MYO6: variants seen among roughly 807,000 people sequenced by gnomAD.
MYO6 encodes myosin VI.
Under a neutral mutation model 178.7 loss-of-function variants are expected in MYO6, and 74 were observed. The ratio of observed to expected loss-of-function variants is 0.41; its 90% CI spans 0.34 to 0.50. MYO6 has a LOEUF of 0.50. MYO6 is among the 20% of genes least tolerant of loss of function. The pLI, the probability that MYO6 is intolerant of heterozygous loss-of-function variation, is 0.09. For missense variants in MYO6, 1,330 were observed against 1,547.4 expected, an observed-to-expected ratio of 0.86 and a Z score of 2.36; for synonymous variants, 477 against 504.6, an observed-to-expected ratio of 0.95 and a Z score of 0.73.
chr6:75,812,763 G>T (rs1275891926), intron 1 of MYO6, among the ~76,000 whole-genome samples: 3 of 151,938 alleles, frequency 2.0e-5, no homozygotes, highest in Non-Finnish European at 2.9e-5. Context: ...CATCCATGTT[G>T]TTGTAAATGA....
chr6:75,833,661 A>T (rs2181245), intron 6 of MYO6, among the ~76,000 whole-genome samples: 54,472 of 151,890 alleles, frequency 0.36, 10,334 homozygotes, highest in Admixed American at 0.49. Context: ...TTTATTTTTT[A>T]GTATTTTGGA....
intron 27 of MYO6, among the ~76,000 whole-genome samples, chr6:75,891,877 C>T (rs1227006782): frequency 6.6e-6 from 1 of 152,078 alleles, no homozygotes; most frequent in Admixed American, 6.6e-5. Flanking sequence ...AGTTGTCTCT[C>T]TGTAGAATGT....
chr6:75,893,737 GA>G (rs1176309631), intron 28 of MYO6, among the ~76,000 whole-genome samples: 1 of 152,228 alleles, frequency 6.6e-6, no homozygotes, highest in Non-Finnish European at 1.5e-5. Flanking sequence ...GCTTGTATAT[GA>G]AAGTACATTA....
At chr6:75,799,216 C>G (rs1769171722) in intron 1 of MYO6, among the ~76,000 whole-genome samples, 1 of 151,864 alleles carries the variant, frequency 6.6e-6, no homozygotes, top group African/African-American at 2.4e-5. Context: ...ATGGTGAAAC[C>G]CCATCTCTAC....
In MYO6 at chr6:75,907,864, C is replaced by T. The variant is rs546842300; in HGVS notation, c.3280+156C>T. Reference sequence around the variant, plus strand: ...ACCTATATTATCTGAATCTTTTGGTCCATGAATGCACAGTAACAAATGGCA... The same window carrying T: ...ACCTATATTATCTGAATCTTTTGGTTCATGAATGCACAGTAACAAATGGCA... On this transcript the variant is annotated intron_variant, in intron 31 of 34. Transcript: ENST00000369977. Among the ~76,000 whole-genome samples, 467 of 151,712 alleles carry T rather than the reference C, an allele frequency of 3.1e-3. 4 individuals carry two copies. The highest frequency in any genetic ancestry group is 0.011 in the African/African-American group (448 of 41,388).
chr6:75,914,148 C>A lies in MYO6; in HGVS notation c.3525C>A (p.Phe1175Leu), dbSNP rs1478633802. 8 of 1,614,002 alleles carry A rather than the reference C, an allele frequency of 5.0e-6. No individual in the cohort carries two copies. Among genetic ancestry groups the A allele is most frequent in the Non-Finnish European group, 6.8e-6 (8 of 1,180,032 alleles). The stretch of plus-strand genomic sequence containing the variant: ...AGCAACGCTTCTTCCGCATCCCATT[C>A]ATCCGCCCTGCCGACCAGTACAAAG... ...NRQQRFFRIP[F>L]IRPADQYKDP... Residue 1175 changes from phenylalanine to leucine, a missense_variant, in exon 34 of 35, where the codon TTC (phenylalanine) becomes TTA (leucine). By Grantham distance (22) the Phe-to-Leu change is conservative. Around this residue, in one of 3 missense-constraint regions of MYO6, gnomAD observed 601 missense variants for 626.1 expected, o/e 0.96. Coordinates refer to ENST00000369977, the MANE Select transcript of MYO6 (RefSeq NM_004999.4).
intron 1 of MYO6, among the ~76,000 whole-genome samples, chr6:75,776,042 C>T (rs181402361): frequency 3.1e-4 from 47 of 152,286 alleles, no homozygotes; most frequent in Non-Finnish European, 5.4e-4. Flanking sequence ...ACTGCTCCCC[C>T]GAGCACCATT....
chr6:75,820,361 G>A (rs773664674), intron 2 of MYO6, among the ~76,000 whole-genome samples: 5 of 152,026 alleles, frequency 3.3e-5, no homozygotes, highest in Non-Finnish European at 7.4e-5. Flanking sequence ...ATCCATACCT[G>A]CTCTTTATTT....
At chr6:75,787,285 CAT>C (rs1767663908) in intron 1 of MYO6, among the ~76,000 whole-genome samples, 1 of 152,202 alleles carries the variant, frequency 6.6e-6, no homozygotes, top group Admixed American at 6.5e-5. Context: ...CAAAGACTCA[CAT>C]GTGAATATTT....
chr6:75,792,137 T>C (rs1768315040), intron 1 of MYO6, among the ~76,000 whole-genome samples: 2 of 152,214 alleles, frequency 1.3e-5, no homozygotes, highest in Non-Finnish European at 2.9e-5. Flanking sequence ...GGATTGTTCA[T>C]ATTATAAAAA....
chr6:75,899,377 A>G (rs758992020), intron 30 of MYO6, among the ~76,000 whole-genome samples: 36 of 152,188 alleles, frequency 2.4e-4, no homozygotes, highest in Non-Finnish European at 3.5e-4. Context: ...CAAAAACAAA[A>G]CTTAATAATT....
chr6:75,822,666 T>G (rs1006100940), intron 2 of MYO6, 116 bp from the exon 3 acceptor site: 8 of 759,668 alleles, frequency 1.1e-5, no homozygotes, highest in Non-Finnish European at 1.9e-5. Context: ...CTGTATTATA[T>G]TTTAATAAAG....
At chr6:75,795,744 A>G (rs889978444) in intron 1 of MYO6, among the ~76,000 whole-genome samples, 6 of 152,332 alleles carry the variant, frequency 3.9e-5, no homozygotes, top group Middle Eastern at 3.4e-3. Context: ...TGTTTTGAGA[A>G]TCTGTTATAT....
At chr6:75,754,490 A>C (rs1777166670) in intron 1 of MYO6, among the ~76,000 whole-genome samples, 1 of 124,008 alleles carries the variant, frequency 8.1e-6, no homozygotes, top group Admixed American at 1.2e-4. Context: ...ACTGCAGTCC[A>C]GCCTGGACGA....
At chr6:75,756,131 T>C (rs1777326417) in intron 1 of MYO6, among the ~76,000 whole-genome samples, 1 of 152,068 alleles carries the variant, frequency 6.6e-6, no homozygotes, top group Admixed American at 6.6e-5. Context: ...ACGGTGATGC[T>C]TACCTGTAGT....
intron 23 of MYO6, 135 bp from the exon 24 acceptor site, chr6:75,885,869 A>G: frequency 1.6e-6 from 1 of 637,098 alleles, no homozygotes; most frequent in Middle Eastern, 4.3e-4. Flanking sequence ...TTTGTTTTTG[A>G]TGTCTGATAT....
At chr6:75,839,281 G>A (rs1359447334) in intron 7 of MYO6, among the ~76,000 whole-genome samples, 2 of 151,670 alleles carry the variant, frequency 1.3e-5, no homozygotes, top group African/African-American at 2.4e-5. Flanking sequence ...CTCTGCCTCC[G>A]GGGTTCACGC....
intron 1 of MYO6, among the ~76,000 whole-genome samples, chr6:75,752,009 T>C (rs533016079): frequency 2.0e-5 from 3 of 151,772 alleles, no homozygotes; most frequent in South Asian, 2.1e-4. Context: ...TTTTTTTTTT[T>C]CTCTGAGATG....
intron 20 of MYO6, among the ~76,000 whole-genome samples, chr6:75,877,540 T>A (rs1777660754): frequency 1.3e-5 from 2 of 152,146 alleles, no homozygotes; most frequent in African/African-American, 4.8e-5. Flanking sequence ...GTGCTGGGAT[T>A]GCAGGCGTGA....
Sources: allele counts gnomAD v4.1 joint callset (sites outside exome capture counted in the v4.1 genomes callset), GRCh38; gene constraint gnomAD v4.1.1; regional missense constraint gnomAD v4.1.1; transcripts MANE v1.5; gene names NCBI Gene and HGNC (gene_info 2026-07-23, HGNC 2026-07-21).